PIAS2: variants seen among roughly 807,000 people sequenced by gnomAD.
PIAS2 encodes E3 SUMO-protein ligase PIAS2.
PIAS2 carries 19 observed loss-of-function variants against 69.7 expected under a neutral mutation model. The ratio of observed to expected loss-of-function variants is 0.27; its 90% CI spans 0.19 to 0.40. The LOEUF is 0.40. PIAS2 is among the 10% of genes least tolerant of loss of function. The pLI, the probability that PIAS2 is intolerant of heterozygous loss-of-function variation, is 1.00. For synonymous variants in PIAS2, 261 were observed against 263.2 expected (o/e 0.99, Z 0.08); for missense variants, 624 against 757.0 (o/e 0.82, Z 2.06).
intron 12 of PIAS2, among the ~76,000 whole-genome samples, chr18:46,818,624 A>C (rs1599309318): frequency 6.6e-6 from 1 of 152,036 alleles, no homozygotes; most frequent in Non-Finnish European, 1.5e-5. Flanking sequence ...TATGCATAAA[A>C]ATAAAACCAA....
intron 1 of PIAS2, chr18:46,907,684 T>G (rs1195736608): frequency 6.6e-6 from 1 of 152,242 alleles, no homozygotes; most frequent in African/African-American, 2.4e-5. Context: ...GGTCCACTTA[T>G]ACGCATATTT....
intron 7 of PIAS2, 21 bp from the exon 8 acceptor site, chr18:46,844,148 A>AAG: frequency 8.0e-7 from 1 of 1,248,072 alleles, no homozygotes; most frequent in Non-Finnish European, 1.1e-6. Flanking sequence ...AAGAGAAAAA[A>AAG]AAAAATTTAA....
At chr18:46,919,911 A>G (rs1012413515), upstream of PIAS2, 3 of 422,220 alleles carry the variant, frequency 7.1e-6, no homozygotes, top group African/African-American at 6.2e-5. Context: ...AGTAGGCTTT[A>G]AGTGAATGCC....
intron 2 of PIAS2, among the ~76,000 whole-genome samples, chr18:46,879,444 G>A (rs2051814663): frequency 2.0e-5 from 3 of 152,182 alleles, no homozygotes; most frequent in African/African-American, 7.2e-5. Flanking sequence ...TGGAACCCCT[G>A]TGCACTGCTG....
chr18:46,835,490 C>A lies in PIAS2; in HGVS notation c.1202+867G>T, dbSNP rs147724637. Among the ~76,000 whole-genome samples the A allele has an allele frequency of 6.4e-3, 979 of 152,262 alleles. 10 individuals are homozygous for A. The highest frequency in any genetic ancestry group is 0.041 in the Middle Eastern group (12 of 294). On this transcript the variant is annotated intron_variant, in intron 9 of 13. Coordinates refer to ENST00000585916, the MANE Select transcript of PIAS2 (RefSeq NM_004671.5). ...TTGTTTATTTTAGAGATGCAACTCA[C>A]TATGTTGCCCAAGCTCACCTTGAAT...
intron 9 of PIAS2, among the ~76,000 whole-genome samples, chr18:46,833,263 T>C (rs2043945394): frequency 1.3e-5 from 2 of 152,140 alleles, no homozygotes; most frequent in African/African-American, 4.8e-5. Context: ...CAAACAAGTA[T>C]GTTGAGTAAA....
At chr18:46,902,484 C>T (rs1033473403) in intron 1 of PIAS2, among the ~76,000 whole-genome samples, 20 of 151,926 alleles carry the variant, frequency 1.3e-4, no homozygotes, top group Admixed American at 8.5e-4. Flanking sequence ...TGCTTGAACC[C>T]GGGAGGCACA....
At chr18:46,833,970 T>C (rs1019206863) in intron 9 of PIAS2, among the ~76,000 whole-genome samples, 1 of 152,154 alleles carries the variant, frequency 6.6e-6, no homozygotes. Context: ...ATCCCCAATT[T>C]TCCTCCCACA....
At chr18:46,833,116 T>A (rs1177367050) in intron 9 of PIAS2, among the ~76,000 whole-genome samples, 1 of 152,120 alleles carries the variant, frequency 6.6e-6, no homozygotes, top group Non-Finnish European at 1.5e-5. Context: ...GACTTGGGCA[T>A]GAATGTTCAC....
Position 46,806,307 on chromosome 18 carries a change from G to A in PIAS2, c.*6126C>T, listed in dbSNP as rs939777352. 3.5e-5 allele frequency: 5 copies of A among 143,170 alleles called. No individual in the cohort carries two copies. The highest frequency in any genetic ancestry group is 6.0e-5 in the Non-Finnish European group (4 of 66,126). The allele number at this position is 143,170 out of a possible 1,614,324, so 8.9% of individuals were successfully genotyped here. A position where few individuals can be genotyped will look rare whatever the true frequency, so the allele number is the denominator to read the frequency against. Reference sequence around the variant, plus strand: ...CACCACTTTCCTCTGAGAAGCCATTGCAAGAATGAGACATTCTTGGAAAAT... The same window carrying A: ...CACCACTTTCCTCTGAGAAGCCATTACAAGAATGAGACATTCTTGGAAAAT... On this transcript the variant is annotated 3_prime_UTR_variant, in exon 14 of 14. Transcript: ENST00000585916.
intron 9 of PIAS2, among the ~76,000 whole-genome samples, chr18:46,834,182 G>A (rs2044098091): frequency 6.6e-6 from 1 of 152,124 alleles, no homozygotes; most frequent in African/African-American, 2.4e-5. Flanking sequence ...AATCACAAAT[G>A]TGCCTGATGA....
chr18:46,844,402 A>C (rs1250347801), intron 7 of PIAS2, among the ~76,000 whole-genome samples: 1 of 152,160 alleles, frequency 6.6e-6, no homozygotes, highest in Non-Finnish European at 1.5e-5. Context: ...TAGGAGAGGA[A>C]GCTGGAATGC....
intron 2 of PIAS2, among the ~76,000 whole-genome samples, chr18:46,874,908 A>C (rs891088742): frequency 2.0e-5 from 3 of 152,146 alleles, no homozygotes; most frequent in African/African-American, 7.2e-5. Flanking sequence ...TAGTGCTTCT[A>C]ACTACAGAAA....
At chr18:46,870,558 G>A (rs894861090) in intron 2 of PIAS2, among the ~76,000 whole-genome samples, 12 of 137,406 alleles carry the variant, frequency 8.7e-5, no homozygotes, top group South Asian at 4.8e-4. Context: ...GGAGCTTGCC[G>A]TGAGCCATGA....
chr18:46,903,198 G>A (rs2056140024), intron 1 of PIAS2, among the ~76,000 whole-genome samples: 1 of 152,074 alleles, frequency 6.6e-6, no homozygotes, highest in Non-Finnish European at 1.5e-5. Context: ...AAGGAAATAT[G>A]ACACACTGGA....
intron 3 of PIAS2, among the ~76,000 whole-genome samples, chr18:46,862,456 G>T (rs1430015444): frequency 6.6e-6 from 1 of 152,054 alleles, no homozygotes; most frequent in Non-Finnish European, 1.5e-5. Flanking sequence ...TGAAAAGGAA[G>T]TAAACACCTC....
chr18:46,816,299 A>G (rs977153967), intron 12 of PIAS2: 27 of 950,640 alleles, frequency 2.8e-5, no homozygotes, highest in Non-Finnish European at 2.5e-6. Context: ...TAAAATATCT[A>G]CTAACCAGTA....
intron 2 of PIAS2, among the ~76,000 whole-genome samples, chr18:46,869,657 T>A (rs569561628): frequency 6.6e-6 from 1 of 152,260 alleles, no homozygotes; most frequent in East Asian, 1.9e-4. Flanking sequence ...TTAGGTCTCA[T>A]GTTAACATAC....
chr18:46,820,955 T>C lies in PIAS2; in HGVS notation c.1626A>G (p.Ser542=). The change falls in exon 12 of 14, where the codon TCA becomes TCG. Residue 542 remains serine, a synonymous_variant. Coordinates refer to ENST00000585916, the MANE Select transcript of PIAS2 (RefSeq NM_004671.5). ...YSVPFHHTPI[S]SMSSDLPGLD... is the part of the protein sequence containing the mutation. ...TACCTGGCAAATCTGATGACATGCTTGATATTGGCGTATGGTGGAATGGTA... is the reference window on the plus strand; with the variant it reads ...TACCTGGCAAATCTGATGACATGCTCGATATTGGCGTATGGTGGAATGGTA... 1 of 1,612,382 alleles carries C rather than the reference T, an allele frequency of 6.2e-7. No homozygotes were observed.
Sources: allele counts gnomAD v4.1 joint callset (sites outside exome capture counted in the v4.1 genomes callset), GRCh38; gene constraint gnomAD v4.1.1; transcripts MANE v1.5; gene names NCBI Gene and HGNC (gene_info 2026-07-23, HGNC 2026-07-21).